Variants in HBE1 observed in about 807,000 individuals in gnomAD.
HBE1 encodes the protein hemoglobin subunit epsilon 1.
HBE1 carries 10 observed loss-of-function variants against 12.1 expected under a neutral mutation model. The observed-to-expected ratio is 0.83, with a 90% CI of 0.51 to 1.40. The LOEUF (loss-of-function observed/expected upper bound fraction) is 1.40, where lower values mean the gene tolerates loss of function less well. Among genes scored for constraint, HBE1 ranks in the 40% most tolerant of loss-of-function variants. The pLI is 0.00. For missense variants in HBE1, 172 were observed against 175.8 expected, an observed-to-expected ratio of 0.98 and a Z score of 0.12; for synonymous variants, 78 against 70.4, an observed-to-expected ratio of 1.11 and a Z score of -0.54.
chr11:5,268,567 C>A lies in HBE1; in HGVS notation c.346G>T (p.Ala116Ser), dbSNP rs563869370. ...LLGNVMVIIL[A>S]THFGKEFTPE... ...GTGAACTCCTTGCCAAAGTGAGTAG[C>A]CAGAATAATCACCATCACGTTACCC... Residue 116 changes from alanine (A) to serine (S), a missense_variant, in exon 3 of 3, where the codon GCT becomes TCT. By Grantham distance (99) the Ala-to-Ser change is moderately conservative (BLOSUM62 1). Transcript: ENST00000396895. 1 of 1,612,964 alleles carries A rather than the reference C, an allele frequency of 6.2e-7. No individual in the cohort carries two copies. Among genetic ancestry groups the A allele is most frequent in the African/African-American group, 1.3e-5 (1 of 74,806 alleles).
At chr11:5,269,354 G>A in intron 2 of HBE1, 100 bp downstream of exon 2, 1 of 917,688 alleles carries the variant, frequency 1.1e-6, no homozygotes. Flanking sequence ...CTCGACCCAT[G>A]ATTTCTGAGA....
chr11:5,268,489 G>A lies in HBE1; in HGVS notation c.424C>T (p.Leu142=), dbSNP rs977707965. The A allele has an allele frequency of 6.2e-7, 1 of 1,613,940 alleles. No individual in the cohort carries two copies. Among genetic ancestry groups the A allele is most frequent in the African/African-American group, 1.3e-5 (1 of 75,036 alleles). ...AGAACTCAGTGGTACTTATGGGCCA[G>A]GGCAATGGCGACAGCAGACACCAGC... ...QKLVSAVAIA[L]AHKYH Residue 142 remains leucine (L), a synonymous_variant, in exon 3 of 3, where the codon CTG becomes TTG. Transcript: ENST00000396895.
rs201075056 is a variant in HBE1 at position 5,269,517 on chromosome 11, G to A, written c.252C>T (p.Pro84=). 4.7e-5 allele frequency: 76 copies of A among 1,613,998 alleles called. No homozygotes were observed. In the East Asian group the frequency reaches 1.3e-3, roughly 28 times the overall value. Reference sequence around the variant, plus strand: ...GCAGCTCACTCAGCTTAGCAAAGGCGGGCTTGAGGTTGTCCATGTTTTTAA... The same window carrying A: ...GCAGCTCACTCAGCTTAGCAAAGGCAGGCTTGAGGTTGTCCATGTTTTTAA... The part of the protein sequence containing the change: ...DAIKNMDNLK[P]AFAKLSELHC... Residue 84 remains proline, a synonymous_variant, in exon 2 of 3, where the codon CCC becomes CCT. Transcript: ENST00000396895.
At chr11:5,268,986 C>T (rs1848162914) in intron 2 of HBE1, among the ~76,000 whole-genome samples, 2 of 152,146 alleles carry the variant, frequency 1.3e-5, no homozygotes, top group African/African-American at 4.8e-5. Flanking sequence ...TTCACTTGGT[C>T]ACAATACTGA....
At chr11:5,268,697 A>G (rs1848160820) in intron 2 of HBE1, 100 bp from the exon 3 acceptor site, 3 of 1,102,546 alleles carry the variant, frequency 2.7e-6, no homozygotes, top group Non-Finnish European at 1.3e-6. Context: ...ACGGCTTTAT[A>G]CCTACATTCC....
chr11:5,269,944 G>C lies in HBE1; in HGVS notation c.-54C>G. 1 of 1,254,136 alleles carries C rather than the reference G, an allele frequency of 8.0e-7. No individual in the cohort carries two copies. Among genetic ancestry groups the C allele is most frequent in the Non-Finnish European group, 1.2e-6 (1 of 857,320 alleles). 77.7% of individuals were successfully genotyped at this position (1,254,136 alleles called of 1,614,324 possible). A position where few individuals can be genotyped will look rare whatever the true frequency, so the allele number is the denominator to read the frequency against. ...TTGCAGCTGTGTCGGAAGCAGATAT[G>C]TGCTGCTGCCTCTCTGTCTGGCCTT... On this transcript the variant is annotated 5_prime_UTR_variant, in exon 1 of 3. Coordinates refer to ENST00000396895, the MANE Select transcript of HBE1 (RefSeq NM_005330.4).
Position 5,268,549 on chromosome 11 carries a change from C to G in HBE1, c.364G>C (p.Glu122Gln), listed in dbSNP as rs775318961. ...GCAGCCTGCACTTCAGGGGTGAACT[C>G]CTTGCCAAAGTGAGTAGCCAGAATA... ...VIILATHFGK[E>Q]FTPEVQAAWQ... The change falls in exon 3 of 3, where the codon GAG becomes CAG. Residue 122 changes from glutamate to glutamine, a missense_variant. By Grantham distance (29) the Glu-to-Gln change is conservative. Coordinates refer to ENST00000396895, the MANE Select transcript of HBE1 (RefSeq NM_005330.4). 3.7e-6 allele frequency: 6 copies of G among 1,613,714 alleles called. No individual in the cohort carries two copies. Among genetic ancestry groups the G allele is most frequent in the Non-Finnish European group, 4.2e-6 (5 of 1,179,762 alleles).
intron 2 of HBE1, 108 bp downstream of exon 2, chr11:5,269,346 C>T (rs963584632): frequency 3.6e-5 from 31 of 867,196 alleles, no homozygotes; most frequent in East Asian, 7.3e-5. Context: ...ACATCAAGCT[C>T]GACCCATGAT....
Position 5,269,531 on chromosome 11 carries a change from C to G in HBE1, c.238G>C (p.Asp80His). 2.5e-6 allele frequency: 4 copies of G among 1,614,014 alleles called. No homozygotes were observed. Among genetic ancestry groups the G allele is most frequent in the Non-Finnish European group, 3.4e-6 (4 of 1,179,938 alleles). The change falls in exon 2 of 3, where the codon GAC becomes CAC. Residue 80 changes from aspartate (D) to histidine (H), a missense_variant. Transcript: ENST00000396895. ...TSFGDAIKNM[D>H]NLKPAFAKLS... is the part of the protein sequence containing the mutation. ...TTAGCAAAGGCGGGCTTGAGGTTGT[C>G]CATGTTTTTAATAGCATCTCCAAAG...
intron 2 of HBE1, among the ~76,000 whole-genome samples, chr11:5,269,071 C>A (rs1848163717): frequency 6.6e-6 from 1 of 151,998 alleles, no homozygotes; most frequent in African/African-American, 2.4e-5. Context: ...TTGCAAAAAT[C>A]TCTTTCTAAA....
intron 2 of HBE1, among the ~76,000 whole-genome samples, chr11:5,268,827 AC>A (rs1276434363): frequency 2.0e-5 from 3 of 151,550 alleles, no homozygotes; most frequent in East Asian, 3.9e-4. Context: ...CTACACCCTC[AC>A]CCCCTTCCCC....
intron 2 of HBE1, 150 bp from the exon 3 acceptor site, chr11:5,268,747 C>T (rs1163684597): frequency 2.9e-6 from 2 of 692,752 alleles, no homozygotes; most frequent in East Asian, 5.3e-5. Flanking sequence ...GGTTTGTGCC[C>T]ACCCAAAAAA....
intron 2 of HBE1, 84 bp from the exon 3 acceptor site, chr11:5,268,681 A>ACAAG (rs2133623475): frequency 7.4e-7 from 1 of 1,345,456 alleles, no homozygotes. Context: ...AAACAAACAA[A>ACAAG]CAAAAACGGC....
chr11:5,269,326 T>G, intron 2 of HBE1, 128 bp downstream of exon 2: 1 of 761,822 alleles, frequency 1.3e-6, no homozygotes. Flanking sequence ...ACTAGAAGTC[T>G]GCTGTTCTAA....
intron 2 of HBE1, among the ~76,000 whole-genome samples, chr11:5,269,018 G>GA (rs1166224794): frequency 6.6e-5 from 10 of 152,248 alleles, no homozygotes; most frequent in African/African-American, 2.4e-4. Flanking sequence ...ACATATTTTA[G>GA]AAAATGTGTC....
rs763010764 is a variant in HBE1 at position 5,269,519 on chromosome 11, G to T, written c.250C>A (p.Pro84Thr). The change falls in exon 2 of 3, where the codon CCC becomes ACC. Residue 84 changes from proline to threonine, a missense_variant. Pro to Thr is a conservative substitution (Grantham distance 38, BLOSUM62 -1). Transcript: ENST00000396895. ...AGCTCACTCAGCTTAGCAAAGGCGG[G>T]CTTGAGGTTGTCCATGTTTTTAATA... ...DAIKNMDNLKPAFAKLSELHC... is the reference protein window; with the variant it reads ...DAIKNMDNLKTAFAKLSELHC... 19 of 1,614,058 alleles carry T rather than the reference G, an allele frequency of 1.2e-5. No individual in the cohort carries two copies. Among genetic ancestry groups the T allele is most frequent in the East Asian group, 1.1e-4 (5 of 44,870 alleles).
At position 5,269,850 on chromosome 11, in the gene HBE1, C is replaced by A; in HGVS notation, c.41G>T (p.Ser14Ile). 1 of 1,614,014 alleles carries A rather than the reference C, an allele frequency of 6.2e-7. No homozygotes were observed. Among genetic ancestry groups the A allele is most frequent in the Non-Finnish European group, 8.5e-7 (1 of 1,179,928 alleles). ...TTCCACATTCATCTTGCTCCACAGG[C>A]TAGTGACGGCAGCCTTCTCCTCAGC... ...FTAEEKAAVT[S>I]LWSKMNVEEA... Residue 14 changes from serine (S) to isoleucine (I), a missense_variant, in exon 1 of 3, where the codon AGC (serine) becomes ATC (isoleucine). Transcript: ENST00000396895.
In HBE1 at chr11:5,269,575, C is replaced by T; in HGVS notation, c.194G>A (p.Gly65Asp). The T allele has an allele frequency of 6.2e-7, 1 of 1,613,926 alleles. No homozygotes were observed. The change falls in exon 2 of 3, where the codon GGC becomes GAC. Residue 65 changes from glycine (G) to aspartate (D), a missense_variant. Physicochemically the swap from Gly to Asp is moderately conservative, Grantham distance 94. Coordinates refer to ENST00000396895, the MANE Select transcript of HBE1 (RefSeq NM_005330.4). ...TCCAAAGGAAGTCAGCACCTTCTTG[C>T]CATGGGCCTTGACCTTGGGGTTGCC... ...ILGNPKVKAH[G>D]KKVLTSFGDA...
chr11:5,269,432 C>T (rs1309966396), intron 2 of HBE1, 22 bp downstream of exon 2: 1 of 1,543,534 alleles, frequency 6.5e-7, no homozygotes, highest in Non-Finnish European at 9.0e-7. Context: ...CAAAAAATCA[C>T]ATCACCAGCA....
Sources: allele counts gnomAD v4.1 joint callset (sites outside exome capture counted in the v4.1 genomes callset), GRCh38; gene constraint gnomAD v4.1.1; transcripts MANE v1.5; gene names NCBI Gene and HGNC (gene_info 2026-07-23, HGNC 2026-07-21).